The following GSR variants were observed in gnomAD, a reference collection of about 807,000 sequenced individuals.
GSR encodes the protein glutathione-disulfide reductase, also known as glutathione reductase, mitochondrial.
GSR carries 48 observed loss-of-function variants against 56.5 expected under a neutral mutation model. The observed-to-expected ratio is 0.85, with a 90% CI of 0.67 to 1.08. The LOEUF (loss-of-function observed/expected upper bound fraction) is 1.08, where lower values mean the gene tolerates loss of function less well. Ranked by LOEUF, GSR falls within the 50% of genes least tolerant of loss-of-function variation. GSR has a pLI of 0.00. For synonymous variants in GSR, 264 were observed against 270.8 expected, an observed-to-expected ratio of 0.97 and a Z score of 0.25; for missense variants, 694 against 703.3, an observed-to-expected ratio of 0.99 and a Z score of 0.15.
At chr8:30,725,317 G>C (rs1277556081) in intron 1 of GSR, among the ~76,000 whole-genome samples, 1 of 152,024 alleles carries the variant, frequency 6.6e-6, no homozygotes, top group African/African-American at 2.4e-5. Flanking sequence ...CAGGCGTGGT[G>C]GCTCACGCCT....
chr8:30,701,690 G>A (rs924700097), intron 5 of GSR, among the ~76,000 whole-genome samples: 1 of 150,664 alleles, frequency 6.6e-6, no homozygotes, highest in Admixed American at 6.7e-5. Flanking sequence ...CTACTAAGGA[G>A]GCTGAGGCAG....
chr8:30,725,350 C>A (rs1192824010), intron 1 of GSR, among the ~76,000 whole-genome samples: 3 of 151,916 alleles, frequency 2.0e-5, no homozygotes, highest in Non-Finnish European at 4.4e-5. Context: ...CTTTGGGAGG[C>A]TGAGGTGAGC....
Position 30,679,394 on chromosome 8 carries a change from C to T in GSR, c.*126G>A, listed in dbSNP as rs1006538851. ...AGTTCTATTATGTACTAAAAATTTC[C>T]ACTATCAGAAGATCCTGATTAAAAT... On this transcript the variant is annotated 3_prime_UTR_variant, in exon 13 of 13. Coordinates refer to ENST00000221130, the MANE Select transcript of GSR (RefSeq NM_000637.5). 2.1e-4 allele frequency: 195 copies of T among 925,628 alleles called. No homozygotes were observed. Among genetic ancestry groups the T allele is most frequent in the Non-Finnish European group, 2.9e-4 (172 of 585,636 alleles). The allele number at this position is 925,628 out of a possible 1,614,324, so 57.3% of individuals were successfully genotyped here.
In GSR at chr8:30,700,723, CAAAAAAAAAAA is replaced by C. The variant is rs55702917; in HGVS notation, c.641-599_641-589del. 2.2e-4 allele frequency among the ~76,000 whole-genome samples: 18 copies of C among 80,056 alleles called. 1 individual carries two copies. Among genetic ancestry groups the C allele is most frequent in the East Asian group, 1.4e-3 (3 of 2,150 alleles). 52.5% of individuals were successfully genotyped at this position (80,056 alleles called of 152,430 possible). On this transcript the variant is annotated intron_variant, in intron 5 of 12. Coordinates refer to ENST00000221130, the MANE Select transcript of GSR (RefSeq NM_000637.5). ...TGGGAACAGAGCAAGATTTTGTCTCCAAAAAAAAAAAAAAAAAAAAAAAAAAATCGACGTGG... is the reference window on the plus strand; with the variant it reads ...TGGGAACAGAGCAAGATTTTGTCTCCAAAAAAAAAAAAAAAATCGACGTGG...
At chr8:30,689,372 G>A in intron 8 of GSR, 53 bp from the exon 9 acceptor site, 1 of 1,468,460 alleles carries the variant, frequency 6.8e-7, no homozygotes, top group Non-Finnish European at 9.6e-7. Flanking sequence ...GGAGGACAGG[G>A]GAAGAAGGAA....
intron 2 of GSR, among the ~76,000 whole-genome samples, chr8:30,710,705 ACT>A (rs1346243026): frequency 1.8e-5 from 2 of 111,536 alleles, no homozygotes; most frequent in African/African-American, 6.5e-5. Flanking sequence ...CAAGAGTGAG[ACT>A]CTGTCTCAAA....
At chr8:30,697,159 T>C (rs1019614178) in intron 6 of GSR, among the ~76,000 whole-genome samples, 4 of 152,046 alleles carry the variant, frequency 2.6e-5, no homozygotes, top group African/African-American at 9.7e-5. Flanking sequence ...CTCATGCCCA[T>C]AATCCTAGCA....
intron 1 of GSR, among the ~76,000 whole-genome samples, chr8:30,723,481 G>C (rs570162795): frequency 2.6e-5 from 4 of 151,012 alleles, no homozygotes; most frequent in Non-Finnish European, 4.4e-5. Flanking sequence ...AACAGAGGGA[G>C]ACCCTGTCTC....
intron 12 of GSR, among the ~76,000 whole-genome samples, chr8:30,680,539 C>G (rs534364020): frequency 1.3e-5 from 2 of 150,906 alleles, no homozygotes; most frequent in Admixed American, 1.3e-4. Context: ...GGATTACAAG[C>G]ACGCACCATC....
chr8:30,702,303 G>A (rs1417764999), intron 5 of GSR, among the ~76,000 whole-genome samples: 3 of 151,992 alleles, frequency 2.0e-5, no homozygotes, highest in Non-Finnish European at 4.4e-5. Context: ...CTGGGTGACA[G>A]AGCCAGACTC....
intron 6 of GSR, among the ~76,000 whole-genome samples, 154 bp from the exon 7 acceptor site, chr8:30,696,633 C>T (rs1803553569): frequency 1.3e-5 from 2 of 152,142 alleles, no homozygotes; most frequent in African/African-American, 2.4e-5. Context: ...AATTAGGATA[C>T]CTTTGTCAAA....
Position 30,683,937 on chromosome 8 carries a change from A to G in GSR, c.1153+151T>C, listed in dbSNP as rs376062222. 5.5e-5 allele frequency: 39 copies of G among 714,888 alleles called. No individual in the cohort carries two copies. The African/African-American group carries it at 6.0e-4, about 11-fold the overall frequency. The allele number at this position is 714,888 out of a possible 1,614,324, so 44.3% of individuals were successfully genotyped here. A position where few individuals can be genotyped will look rare whatever the true frequency, so the allele number is the denominator to read the frequency against. ...TCAGATAATGTCAGGTATCCAACCA[A>G]TATCTATTTCAACACATTGTACCAT... On this transcript the variant is annotated intron_variant, in intron 10 of 12. Transcript: ENST00000221130.
At chr8:30,726,529 C>T (rs1563549085) in intron 1 of GSR, among the ~76,000 whole-genome samples, 1 of 152,002 alleles carries the variant, frequency 6.6e-6, no homozygotes, top group African/African-American at 2.4e-5. Flanking sequence ...GAGGCTGAGG[C>T]GGGAAGATCG....
intron 3 of GSR, among the ~76,000 whole-genome samples, chr8:30,708,773 A>G (rs1804004876): frequency 6.6e-6 from 1 of 151,784 alleles, no homozygotes; most frequent in African/African-American, 2.4e-5. Context: ...TGGCTAACAC[A>G]GTGAAATCCC....
chr8:30,692,143 T>A (rs1803401398), intron 8 of GSR, among the ~76,000 whole-genome samples: 1 of 144,964 alleles, frequency 6.9e-6, no homozygotes, highest in East Asian at 2.2e-4. Context: ...TAAATTCAAC[T>A]GCCAGATTTC....
In GSR at chr8:30,689,196, C is replaced by G. The variant is rs751098787; in HGVS notation, c.1006G>C (p.Val336Leu). ...VDCLLWAIGR[V>L]PNTKDLSLNK... ...AAACTCAGGTCCTTGGTATTCGGGA[C>G]CCGCCCAATGGCCCAGAGCAGGCAG... The change falls in exon 9 of 13, where the codon GTC becomes CTC. Residue 336 changes from valine (V) to leucine (L), a missense_variant. Val to Leu is a conservative substitution (Grantham distance 32, BLOSUM62 1). Transcript: ENST00000221130. The G allele has an allele frequency of 1.2e-6, 2 of 1,614,038 alleles. No homozygotes were observed. Among genetic ancestry groups the G allele is most frequent in the Non-Finnish European group, 8.5e-7 (1 of 1,179,976 alleles).
chr8:30,709,975 T>C, intron 2 of GSR, 73 bp from the exon 3 acceptor site: 1 of 818,252 alleles, frequency 1.2e-6, no homozygotes, highest in Non-Finnish European at 2.0e-6. Context: ...GAATCATGAA[T>C]GAATGGTAAC....
At position 30,682,024 on chromosome 8, in the gene GSR, A is replaced by G; in HGVS notation, c.1191T>C (p.Leu397=). ...IAAGRKLAHR[L]FEYKEDSKLD... is the part of the protein sequence containing the mutation. ...ATTTGGAATCTTCCTTATATTCAAA[A>G]AGTCGATGGGCAAGTTTTCGGCCAG... The change falls in exon 11 of 13, where the codon CTT becomes CTC. Residue 397 remains leucine (L), a synonymous_variant. Coordinates refer to ENST00000221130, the MANE Select transcript of GSR (RefSeq NM_000637.5). 1 of 1,613,660 alleles carries G rather than the reference A, an allele frequency of 6.2e-7. No homozygotes were observed. The highest frequency in any genetic ancestry group is 8.5e-7 in the Non-Finnish European group (1 of 1,179,554).
chr8:30,692,009 G>A (rs1803394260), intron 8 of GSR, among the ~76,000 whole-genome samples: 1 of 151,240 alleles, frequency 6.6e-6, no homozygotes, highest in Non-Finnish European at 1.5e-5. Context: ...GGGCAGAGGT[G>A]GAAGGATTGC....
Sources: gnomAD v4.1 joint callset for allele counts (sites outside exome capture counted in the v4.1 genomes callset) on GRCh38, gnomAD v4.1.1 for gene constraint, MANE v1.5 for transcripts, NCBI Gene and HGNC (gene_info 2026-07-23, HGNC 2026-07-21) for gene names.